Variants in FBLN2 observed in about 807,000 individuals in gnomAD.
The protein encoded by FBLN2 is fibulin 2.
Under a neutral mutation model 123.7 loss-of-function variants are expected in FBLN2, and 81 were observed. The observed-to-expected ratio is 0.65, with a 90% CI of 0.55 to 0.79. The LOEUF is 0.79. Among genes scored for constraint, FBLN2 ranks in the 30% least tolerant of loss-of-function variants. The pLI is 0.00. For missense variants in FBLN2, 1,603 were observed against 1,681.3 expected (o/e 0.95, Z 0.81); for synonymous variants, 699 against 701.4 (o/e 1.00, Z 0.05).
At chr3:13,591,213 T>A (rs1704663914) in intron 2 of FBLN2, among the ~76,000 whole-genome samples, 1 of 152,280 alleles carries the variant, frequency 6.6e-6, no homozygotes, top group African/African-American at 2.4e-5. Flanking sequence ...TTTGCCTATT[T>A]TAAAATTAAG....
At chr3:13,626,850 TG>T (rs1008665645) in intron 10 of FBLN2, among the ~76,000 whole-genome samples, 1 of 152,178 alleles carries the variant, frequency 6.6e-6, no homozygotes, top group African/African-American at 2.4e-5. Context: ...TGCTGGTGTC[TG>T]GGTGCCAGTT....
intron 2 of FBLN2, among the ~76,000 whole-genome samples, chr3:13,604,084 G>A (rs1705127875): frequency 6.6e-6 from 1 of 152,192 alleles, no homozygotes; most frequent in Non-Finnish European, 1.5e-5. Context: ...TGATGGGGTT[G>A]TTTGATTTTT....
chr3:13,555,444 T>G (rs927581292), intron 1 of FBLN2, among the ~76,000 whole-genome samples: 1 of 151,958 alleles, frequency 6.6e-6, no homozygotes, highest in African/African-American at 2.4e-5. Flanking sequence ...TTTTATTTAT[T>G]TTTATTTTTA....
intron 16 of FBLN2, among the ~76,000 whole-genome samples, chr3:13,634,223 A>C (rs1387172899): frequency 6.6e-6 from 1 of 152,156 alleles, no homozygotes; most frequent in Admixed American, 6.5e-5. Flanking sequence ...CCACTTTTGC[A>C]CATCTGAGTT....
intron 8 of FBLN2, among the ~76,000 whole-genome samples, chr3:13,620,600 G>C (rs927633277): frequency 1.3e-5 from 2 of 152,194 alleles, no homozygotes; most frequent in Non-Finnish European, 1.5e-5. Context: ...AGCACCTGCT[G>C]GGTTGGTTCC....
chr3:13,563,493 G>A (rs185294161), intron 1 of FBLN2, among the ~76,000 whole-genome samples: 114 of 152,324 alleles, frequency 7.5e-4, no homozygotes, highest in Non-Finnish European at 1.2e-3. Flanking sequence ...CTTCTCGTGG[G>A]TCACTGGACT....
At chr3:13,559,658 T>C (rs1470498175) in intron 1 of FBLN2, among the ~76,000 whole-genome samples, 2 of 152,168 alleles carry the variant, frequency 1.3e-5, no homozygotes, top group East Asian at 3.8e-4. Flanking sequence ...ATGTGCCAGG[T>C]GGTCAGAAAC....
chr3:13,613,870 C>G (rs1230020828), intron 4 of FBLN2, 114 bp from the exon 5 acceptor site: 1 of 1,210,690 alleles, frequency 8.3e-7, no homozygotes. Context: ...AGCGCATAGT[C>G]TGGCAGAGGA....
chr3:13,550,705 A>G (rs1038108628), intron 1 of FBLN2, among the ~76,000 whole-genome samples: 2 of 152,028 alleles, frequency 1.3e-5, no homozygotes, highest in African/African-American at 4.8e-5. Flanking sequence ...CAGCAGGAGG[A>G]AGAGAGGGAG....
At chr3:13,595,864 T>C (rs1198141868) in intron 2 of FBLN2, among the ~76,000 whole-genome samples, 1 of 152,098 alleles carries the variant, frequency 6.6e-6, no homozygotes, top group Non-Finnish European at 1.5e-5. Flanking sequence ...CAAATACAAA[T>C]TACAAAAGGG....
At position 13,571,640 on chromosome 3, in the gene FBLN2, A is replaced by G. The variant is rs1254318071; in HGVS notation, c.1285A>G (p.Ile429Val). ...CACAGACCCCAACTCTGTCCATTCTATCCCCAGAAGTAGCCCTGAAGGTAA... is the reference window on the plus strand; with the variant it reads ...CACAGACCCCAACTCTGTCCATTCTGTCCCCAGAAGTAGCCCTGAAGGTAA... ...EDTDPNSVHS[I>V]PRSSPEGSTK... Residue 429 changes from isoleucine to valine, a missense_variant, in exon 2 of 18, where the codon ATC (isoleucine) becomes GTC (valine). Transcript: ENST00000404922. The G allele has an allele frequency of 6.9e-6, 11 of 1,603,116 alleles. No individual in the cohort carries two copies. The highest frequency in any genetic ancestry group is 9.4e-6 in the Non-Finnish European group (11 of 1,174,452).
rs1452196953 is a variant in FBLN2 at position 13,629,009 on chromosome 3, C to T, written c.2674C>T (p.Arg892Cys). The change falls in exon 12 of 18, where the codon CGC (arginine) becomes TGC (cysteine). Residue 892 changes from arginine to cysteine, a missense_variant. By Grantham distance (180) the Arg-to-Cys change is radical. Coordinates refer to ENST00000404922, the MANE Select transcript of FBLN2 (RefSeq NM_001004019.2). ...CCAGAGGAACCCGCTGATCTGCGCGCGCGGCTACCACGCCAGCGATGATGG... is the reference window on the plus strand; with the variant it reads ...CCAGAGGAACCCGCTGATCTGCGCGTGCGGCTACCACGCCAGCGATGATGG... ...TCQRNPLICA[R>C]GYHASDDGTK... The T allele has an allele frequency of 3.7e-6, 6 of 1,613,324 alleles. No homozygotes were observed. Among genetic ancestry groups the T allele is most frequent in the South Asian group, 1.1e-5 (1 of 91,080 alleles).
At chr3:13,574,294 G>A (rs546901941) in intron 2 of FBLN2, among the ~76,000 whole-genome samples, 1 of 152,212 alleles carries the variant, frequency 6.6e-6, no homozygotes, top group Non-Finnish European at 1.5e-5. Context: ...GTGCTGAGAG[G>A]CCTTCTGCAG....
At chr3:13,578,086 A>G (rs548668422) in intron 2 of FBLN2, among the ~76,000 whole-genome samples, 8 of 152,368 alleles carry the variant, frequency 5.3e-5, no homozygotes, top group African/African-American at 1.9e-4. Context: ...CGTGCATTTC[A>G]CAGCCGGACC....
Position 13,637,419 on chromosome 3 carries a change from G to A in FBLN2, c.3339-143G>A, listed in dbSNP as rs984748090. On this transcript the variant is annotated intron_variant, in intron 17 of 17. Coordinates refer to ENST00000404922, the MANE Select transcript of FBLN2 (RefSeq NM_001004019.2). ...GCAAGGAAACTGAGACCCAGGGGAC[G>A]TAAGGGGACTTGCCTGAGGCTTCCC... 20 of 693,746 alleles carry A rather than the reference G, an allele frequency of 2.9e-5. 1 individual carries two copies. Among genetic ancestry groups the A allele is most frequent in the Admixed American group, 5.9e-5 (2 of 33,964 alleles). 43.0% of individuals were successfully genotyped at this position (693,746 alleles called of 1,614,324 possible).
Position 13,633,370 on chromosome 3 carries a change from C to T in FBLN2, c.3214+1913C>T, listed in dbSNP as rs543328981. On this transcript the variant is annotated intron_variant, in intron 16 of 17. Coordinates refer to ENST00000404922, the MANE Select transcript of FBLN2 (RefSeq NM_001004019.2). ...CCCTCTGCAGGCCCCCAGTGTGCCA[C>T]CAGCCCCACCAGGAGGTTGGGGCAA... Among the ~76,000 whole-genome samples, 203 of 152,404 alleles carry T rather than the reference C, an allele frequency of 1.3e-3. 2 individuals carry two copies. Among genetic ancestry groups the T allele is most frequent in the Admixed American group, 8.6e-3 (131 of 15,312 alleles).
chr3:13,579,514 G>A (rs113097049), intron 2 of FBLN2, among the ~76,000 whole-genome samples: 136 of 152,366 alleles, frequency 8.9e-4, no homozygotes, highest in African/African-American at 2.6e-3. Flanking sequence ...GCATGTAGGT[G>A]CGTGCACGTA....
At chr3:13,636,795 C>G (rs1706489210) in intron 17 of FBLN2, among the ~76,000 whole-genome samples, 1 of 152,234 alleles carries the variant, frequency 6.6e-6, no homozygotes, top group South Asian at 2.1e-4. Flanking sequence ...CAGCCCTCTT[C>G]CTCATACACA....
intron 1 of FBLN2, among the ~76,000 whole-genome samples, chr3:13,554,895 T>C (rs1157584520): frequency 6.6e-6 from 1 of 152,154 alleles, no homozygotes; most frequent in African/African-American, 2.4e-5. Flanking sequence ...ACATCATACT[T>C]AATAACTTAA....
Sources: gnomAD v4.1 joint callset for allele counts (sites outside exome capture counted in the v4.1 genomes callset) on GRCh38, gnomAD v4.1.1 for gene constraint, MANE v1.5 for transcripts, NCBI Gene and HGNC (gene_info 2026-07-23, HGNC 2026-07-21) for gene names.